Variants in TYMS observed in about 807,000 individuals in gnomAD.
TYMS encodes the protein thymidylate synthase.
A neutral mutation model predicts 39.3 loss-of-function variants in TYMS; 21 were observed. The ratio of observed to expected loss-of-function variants is 0.54; its 90% CI spans 0.38 to 0.77. TYMS has a LOEUF of 0.77. Among genes scored for constraint, TYMS ranks in the 30% least tolerant of loss-of-function variants. The probability of loss-of-function intolerance (pLI) is 0.00; values close to 1 mark genes in which losing one functional copy is unlikely to be tolerated. For synonymous variants in TYMS, 171 were observed against 162.2 expected (o/e 1.05, Z -0.41); for missense variants, 273 against 406.7 (o/e 0.67, Z 2.83).
At chr18:669,945 G>C (rs973021530) in intron 4 of TYMS, among the ~76,000 whole-genome samples, 1 of 151,686 alleles carries the variant, frequency 6.6e-6, no homozygotes, top group Non-Finnish European at 1.5e-5. Context: ...CTGGGCAACA[G>C]AGTGAGACCC....
In TYMS at chr18:670,879, C is replaced by A; in HGVS notation, c.732+12C>A. On this transcript the variant is annotated intron_variant, in intron 5 of 6. Transcript: ENST00000323274. ...TCACGGGCCTGAAGGTGGGCTGTCT[C>A]GGGAAGGGTGACTTGCCAGCCTACC... is the stretch of plus-strand genomic sequence containing the variant. The A allele has an allele frequency of 6.2e-7, 1 of 1,613,288 alleles. No homozygotes were observed. The highest frequency in any genetic ancestry group is 1.1e-5 in the South Asian group (1 of 90,976).
rs1347861486 is a variant in TYMS, at chr18:666,949, GGT to G, written c.455-2121_455-2120del. Among the ~76,000 whole-genome samples the G allele has an allele frequency of 9.3e-5, 3 of 32,112 alleles. 1 individual carries two copies. Among genetic ancestry groups the G allele is most frequent in the East Asian group, 2.0e-3 (2 of 988 alleles). The allele number at this position is 32,112 out of a possible 152,430, so 21.1% of individuals were successfully genotyped here. On this transcript the variant is annotated intron_variant, in intron 3 of 6. Coordinates refer to ENST00000323274, the MANE Select transcript of TYMS (RefSeq NM_001071.4). Reference sequence around the variant, plus strand: ...TGGTGATGGTGATGGAGATGGTGATGGTGATGGAGATGGAGATGGTGATGGAG... The same window carrying G: ...TGGTGATGGTGATGGAGATGGTGATGGATGGAGATGGAGATGGTGATGGAG...
At chr18:670,053 T>A (rs1001622466) in intron 4 of TYMS, among the ~76,000 whole-genome samples, 2 of 150,662 alleles carry the variant, frequency 1.3e-5, no homozygotes, top group Admixed American at 6.6e-5. Context: ...TTATTTTTTT[T>A]TTTTTTTTGA....
intron 3 of TYMS, among the ~76,000 whole-genome samples, chr18:666,722 A>G (rs1303552128): frequency 6.6e-6 from 1 of 152,260 alleles, no homozygotes; most frequent in Non-Finnish European, 1.5e-5. Flanking sequence ...GATCTGTTAA[A>G]TGTTAGCAAC....
chr18:673,116 C>T lies in TYMS; in HGVS notation c.*119C>T, dbSNP rs2075142314. The T allele has an allele frequency of 8.9e-7, 1 of 1,118,460 alleles. No individual in the cohort carries two copies. Among genetic ancestry groups the T allele is most frequent in the African/African-American group, 1.5e-5 (1 of 64,886 alleles). The allele number at this position is 1,118,460 out of a possible 1,614,324, so 69.3% of individuals were successfully genotyped here. A position where few individuals can be genotyped will look rare whatever the true frequency, so the allele number is the denominator to read the frequency against. ...AACTAGGTCAAAAATCTGTCCGTGA[C>T]CTATCAGTTATTAATTTTTAAGGAT... On this transcript the variant is annotated 3_prime_UTR_variant, in exon 7 of 7. Coordinates refer to ENST00000323274, the MANE Select transcript of TYMS (RefSeq NM_001071.4).
At chr18:670,656 A>G (rs2075001244) in intron 4 of TYMS, 36 bp from the exon 5 acceptor site, 1 of 1,607,536 alleles carries the variant, frequency 6.2e-7, no homozygotes, top group South Asian at 1.1e-5. Context: ...CTTTCAAACC[A>G]CCATCCCTCC....
In TYMS at chr18:658,033, G is replaced by T; in HGVS notation, c.205+86G>T. The T allele has an allele frequency of 6.5e-7, 1 of 1,540,488 alleles. No homozygotes were observed. Among genetic ancestry groups the T allele is most frequent in the Non-Finnish European group, 8.7e-7 (1 of 1,144,934 alleles). On this transcript the variant is annotated intron_variant, in intron 1 of 6. Transcript: ENST00000323274. The surrounding 1 kb of genome is among the most constrained non-coding windows in gnomAD (Gnocchi z 4.5). ...GCGCTCGGGAGCTGCCGGGCGCTGCGGACCCCGTTTAGTCCTAACCTCAAT... is the reference window on the plus strand; with the variant it reads ...GCGCTCGGGAGCTGCCGGGCGCTGCTGACCCCGTTTAGTCCTAACCTCAAT...
chr18:669,277 T>C (rs1598473919), intron 4 of TYMS, 104 bp downstream of exon 4: 2 of 853,542 alleles, frequency 2.3e-6, no homozygotes, highest in African/African-American at 4.1e-5. Context: ...CCTGGGAACT[T>C]CCCCCAGCCA....
chr18:669,279 C>A, intron 4 of TYMS, 106 bp downstream of exon 4: 1 of 846,986 alleles, frequency 1.2e-6, no homozygotes, highest in Admixed American at 2.5e-5. Flanking sequence ...TGGGAACTTC[C>A]CCCAGCCACA....
At chr18:667,620 T>TGATGGTGATGGAGATGGA in intron 3 of TYMS, 1 of 129,166 alleles carries the variant, frequency 7.7e-6, no homozygotes, top group Non-Finnish European at 1.5e-5. Flanking sequence ...TGGAGATGGG[T>TGATGGTGATGGAGATGGA]GATGGTGATG....
rs1338250940 is a variant in TYMS, at chr18:658,641, CG to C, written c.205+698del. On this transcript the variant is annotated intron_variant, in intron 1 of 6. Coordinates refer to ENST00000323274, the MANE Select transcript of TYMS (RefSeq NM_001071.4). This position sits in a 1 kb window ranked among gnomAD's most constrained non-coding sequence, Gnocchi z 4.5. Reference sequence around the variant, plus strand: ...GCCAGGCTTTCAGGGGACAGTGGGGCGGGGCGGGGTGGGCACAGGACGTTAG... The same window carrying C: ...GCCAGGCTTTCAGGGGACAGTGGGGCGGGCGGGGTGGGCACAGGACGTTAG... 9.3e-6 allele frequency: 1 copy of C among 107,922 alleles called. No homozygotes were observed. The highest frequency in any genetic ancestry group is 4.4e-5 in the African/African-American group (1 of 22,718). 6.7% of individuals were successfully genotyped at this position (107,922 alleles called of 1,614,324 possible). A position where few individuals can be genotyped will look rare whatever the true frequency, so the allele number is the denominator to read the frequency against.
chr18:659,211 A>G (rs2074729933), intron 1 of TYMS, among the ~76,000 whole-genome samples: 1 of 152,198 alleles, frequency 6.6e-6, no homozygotes, highest in Non-Finnish European at 1.5e-5. Flanking sequence ...CGAGGACTGC[A>G]TTTAAAGATA....
intron 6 of TYMS, chr18:672,612 C>T (rs2075112914): frequency 6.1e-6 from 2 of 328,142 alleles, no homozygotes; most frequent in African/African-American, 2.1e-5. Context: ...GAACTTACAC[C>T]TGATGAGGCA....
At chr18:672,099 T>G (rs1450254428) in intron 6 of TYMS, 2 of 152,258 alleles carry the variant, frequency 1.3e-5, no homozygotes, top group Non-Finnish European at 2.9e-5. Flanking sequence ...TTTGTTAATT[T>G]TACATTAAGT....
Position 672,902 on chromosome 18 carries a change from C to T in TYMS, c.847C>T (p.Arg283Ter). 1 of 1,596,132 alleles carries T rather than the reference C, an allele frequency of 6.3e-7. No homozygotes were observed. The highest frequency in any genetic ancestry group is 8.6e-7 in the Non-Finnish European group (1 of 1,166,148). The change falls in exon 7 of 7, where the codon CGA becomes TGA. Residue 283 changes from arginine to a stop codon, truncating the protein, a stop_gained. Coordinates refer to ENST00000323274, the MANE Select transcript of TYMS (RefSeq NM_001071.4). LOFTEE classifies it high-confidence loss of function. ...ACCTTTCCCAAAGCTCAGGATTCTTCGAAAAGTTGAGAAAATTGATGACTT... is the reference window on the plus strand; with the variant it reads ...ACCTTTCCCAAAGCTCAGGATTCTTTGAAAAGTTGAGAAAATTGATGACTT... ...PRPFPKLRIL[R>*]KVEKIDDFKA...
At position 658,604 on chromosome 18, in the gene TYMS, C is replaced by G; in HGVS notation, c.205+657C>G. On this transcript the variant is annotated intron_variant, in intron 1 of 6. Transcript: ENST00000323274. The surrounding 1 kb of genome is among the most constrained non-coding windows in gnomAD (Gnocchi z 4.5). ...AGCACCCCAGGCAAAAAATGTCTCG[C>G]GGGTCATTGGCGCCAGGCTTTCAGG... The G allele has an allele frequency of 1.2e-5, 2 of 165,926 alleles. No homozygotes were observed. Among genetic ancestry groups the G allele is most frequent in the South Asian group, 8.6e-5 (1 of 11,640 alleles). The allele number at this position is 165,926 out of a possible 1,614,324, so 10.3% of individuals were successfully genotyped here. A position where few individuals can be genotyped will look rare whatever the true frequency, so the allele number is the denominator to read the frequency against.
chr18:663,894 G>T (rs1451518962), intron 3 of TYMS, among the ~76,000 whole-genome samples: 2 of 110,868 alleles, frequency 1.8e-5, no homozygotes, highest in African/African-American at 9.8e-5. Flanking sequence ...TTTGGTACCA[G>T]TACCATACTG....
chr18:670,519 C>G, intron 4 of TYMS, 173 bp from the exon 5 acceptor site: 1 of 640,328 alleles, frequency 1.6e-6, no homozygotes, highest in Non-Finnish European at 2.7e-6. Flanking sequence ...TAGTCTCCCT[C>G]AGCTCCGTGC....
intron 5 of TYMS, 183 bp from the exon 6 acceptor site, chr18:671,197 C>T (rs1161471885): frequency 1.6e-6 from 1 of 621,832 alleles, no homozygotes; most frequent in Admixed American, 2.8e-5. Context: ...TGCTTGAGGT[C>T]TGGAGTTCAA....
Sources: allele counts gnomAD v4.1 joint callset (sites outside exome capture counted in the v4.1 genomes callset), GRCh38; gene constraint gnomAD v4.1.1; non-coding constraint Gnocchi (gnomAD v3.1); transcripts MANE v1.5; gene names NCBI Gene and HGNC (gene_info 2026-07-23, HGNC 2026-07-21).